The following ZFAT variants were observed in gnomAD, a reference collection of about 807,000 sequenced individuals.
The protein encoded by ZFAT is zinc finger and AT-hook domain containing.
ZFAT carries 64 observed loss-of-function variants against 117.7 expected under a neutral mutation model. The ratio of observed to expected loss-of-function variants is 0.54; its 90% CI spans 0.44 to 0.67. The LOEUF (loss-of-function observed/expected upper bound fraction) is 0.67, where lower values mean the gene tolerates loss of function less well. ZFAT is among the 30% of genes least tolerant of loss of function. The pLI is 0.00. For synonymous variants in ZFAT, 679 were observed against 615.0 expected, an observed-to-expected ratio of 1.10 and a Z score of -1.54; for missense variants, 1,433 against 1,584.5, an observed-to-expected ratio of 0.90 and a Z score of 1.62.
At chr8:134,666,942 C>G (rs762709575) in intron 1 of ZFAT, among the ~76,000 whole-genome samples, 1 of 152,194 alleles carries the variant, frequency 6.6e-6, no homozygotes, top group Non-Finnish European at 1.5e-5. Context: ...AAGAAATCCA[C>G]GCCAAGTGCG....
At chr8:134,792,068 A>C in the ZFAT span, 1 of 152,234 alleles carries the variant, frequency 6.6e-6, no homozygotes, top group Non-Finnish European at 1.5e-5. Flanking sequence ...AATTGGTAGA[A>C]TAGAAAGGAG....
At chr8:134,694,541 A>C (rs1354029366) in intron 1 of ZFAT, among the ~76,000 whole-genome samples, 1 of 152,232 alleles carries the variant, frequency 6.6e-6, no homozygotes, top group East Asian at 1.9e-4. Flanking sequence ...AATGAGAACA[A>C]ACCCTACATC....
chr8:134,696,789 G>A (rs1192649540), intron 1 of ZFAT, among the ~76,000 whole-genome samples: 1 of 152,218 alleles, frequency 6.6e-6, no homozygotes, highest in Non-Finnish European at 1.5e-5. Flanking sequence ...CTAGGTCTCT[G>A]GGAGCCCGCT....
intron 7 of ZFAT, among the ~76,000 whole-genome samples, chr8:134,591,679 T>C (rs1826515064): frequency 1.3e-5 from 2 of 152,136 alleles, no homozygotes. Context: ...GGTGTCCTTA[T>C]AAAAAGAGGA....
intron 3 of ZFAT, among the ~76,000 whole-genome samples, chr8:134,627,254 C>A (rs748654516): frequency 4.7e-4 from 71 of 152,124 alleles, no homozygotes; most frequent in Non-Finnish European, 7.5e-4. Flanking sequence ...AAGACTGTTG[C>A]AAAACTGTCT....
chr8:134,674,313 C>T (rs1334307056), intron 1 of ZFAT, among the ~76,000 whole-genome samples: 1 of 152,172 alleles, frequency 6.6e-6, no homozygotes, highest in African/African-American at 2.4e-5. Context: ...CTCGGCAGGT[C>T]CCACCCCTAG....
chr8:134,512,371 G>A (rs900363474), intron 14 of ZFAT, 104 bp downstream of exon 14: 20 of 1,494,152 alleles, frequency 1.3e-5, no homozygotes, highest in African/African-American at 8.3e-5. Context: ...TCAGGGATTC[G>A]GAAGTAGATC....
At chr8:134,479,551 T>C (rs1035999398) in intron 15 of ZFAT, among the ~76,000 whole-genome samples, 1 of 152,054 alleles carries the variant, frequency 6.6e-6, no homozygotes, top group Admixed American at 6.6e-5. Context: ...AGACATGGAG[T>C]TGAGACCTTA....
the ZFAT span, among the ~76,000 whole-genome samples, chr8:134,778,695 C>A: frequency 6.6e-6 from 1 of 152,198 alleles, no homozygotes; most frequent in African/African-American, 2.4e-5. Flanking sequence ...AAAGGAAGCA[C>A]AGACAAGGGT....
At chr8:134,727,134 G>GA in the ZFAT span, among the ~76,000 whole-genome samples, 6 of 148,638 alleles carry the variant, frequency 4.0e-5, no homozygotes, top group Middle Eastern at 3.5e-3. Flanking sequence ...ACGAAGTGGA[G>GA]AAAAAAAAAA....
Position 134,602,750 on chromosome 8 carries a change from T to G in ZFAT, c.969A>C (p.Gly323=). The G allele has an allele frequency of 6.2e-7, 1 of 1,613,718 alleles. No homozygotes were observed. Among genetic ancestry groups the G allele is most frequent in the Non-Finnish European group, 8.5e-7 (1 of 1,179,684 alleles). ...AGCAATAGTCGCAGGCGAACTTCTC[T>G]CCAGTGTGCTTGCGCAGGTGCACAT... ...NLNVHLRKHT[G]EKFACDYCSF... The change falls in exon 6 of 16, where the codon GGA becomes GGC. Residue 323 remains glycine (G), a synonymous_variant. Coordinates refer to ENST00000377838, the MANE Select transcript of ZFAT (RefSeq NM_020863.4).
intron 3 of ZFAT, among the ~76,000 whole-genome samples, chr8:134,611,128 G>T (rs1407047716): frequency 6.6e-6 from 1 of 152,240 alleles, no homozygotes. Context: ...CGTGCAGGGG[G>T]AGAGGCAGAC....
chr8:134,740,773 G>A, the ZFAT span, among the ~76,000 whole-genome samples: 2 of 152,112 alleles, frequency 1.3e-5, no homozygotes, highest in African/African-American at 4.8e-5. Context: ...CCCTCAGCAG[G>A]GCTAGGCACA....
intron 6 of ZFAT, among the ~76,000 whole-genome samples, chr8:134,600,966 A>G (rs1326045354): frequency 1.3e-5 from 2 of 152,040 alleles, no homozygotes; most frequent in Non-Finnish European, 2.9e-5. Flanking sequence ...TAAATCTACA[A>G]ATCTCTAAGT....
the ZFAT span, among the ~76,000 whole-genome samples, chr8:134,751,761 C>T: frequency 6.6e-6 from 1 of 152,112 alleles, no homozygotes; most frequent in Non-Finnish European, 1.5e-5. Context: ...GAGGCCTGGA[C>T]ATGGTTTGAA....
chr8:134,755,146 G>A, the ZFAT span, among the ~76,000 whole-genome samples: 3 of 151,784 alleles, frequency 2.0e-5, no homozygotes, highest in Non-Finnish European at 4.4e-5. Context: ...GCTCACGCCT[G>A]TAATCCTAAC....
At chr8:134,622,161 TTC>T (rs1388419193) in intron 3 of ZFAT, among the ~76,000 whole-genome samples, 2 of 152,172 alleles carry the variant, frequency 1.3e-5, no homozygotes, top group African/African-American at 2.4e-5. Context: ...GGATGATGAC[TTC>T]TTTCTGGTTT....
intron 1 of ZFAT, among the ~76,000 whole-genome samples, chr8:134,710,480 C>A: frequency 6.6e-6 from 1 of 152,226 alleles, no homozygotes; most frequent in East Asian, 1.9e-4. Flanking sequence ...TTTGCCCCAA[C>A]TTCTTTGGAC....
rs1001566368 is a variant in ZFAT at position 134,561,516 on chromosome 8, A to T, written c.2976+3817T>A. 8.5e-5 allele frequency among the ~76,000 whole-genome samples: 13 copies of T among 152,248 alleles called. 1 individual carries two copies. The highest frequency in any genetic ancestry group is 7.2e-4 in the Admixed American group (11 of 15,288). Reference sequence around the variant, plus strand: ...AATTCCATATGGAAAGGAATCAACAAGTACTTTCCAAATCTTACTTAGTGA... The same window carrying T: ...AATTCCATATGGAAAGGAATCAACATGTACTTTCCAAATCTTACTTAGTGA... On this transcript the variant is annotated intron_variant, in intron 11 of 15. Coordinates refer to ENST00000377838, the MANE Select transcript of ZFAT (RefSeq NM_020863.4).
Sources: gnomAD v4.1 joint callset for allele counts (sites outside exome capture counted in the v4.1 genomes callset) on GRCh38, gnomAD v4.1.1 for gene constraint, MANE v1.5 for transcripts, NCBI Gene and HGNC (gene_info 2026-07-23, HGNC 2026-07-21) for gene names.